The following CCSER1 variants were observed in gnomAD, a reference collection of about 807,000 sequenced individuals.
CCSER1 encodes serine-rich coiled-coil domain-containing protein 1.
In CCSER1, 41 loss-of-function variants were observed where a neutral mutation model predicts 82.0. That is an observed-to-expected ratio of 0.50 (90% CI 0.39 to 0.65). The LOEUF (loss-of-function observed/expected upper bound fraction) is 0.65, where lower values mean the gene tolerates loss of function less well. Ranked by LOEUF, CCSER1 falls within the 30% of genes least tolerant of loss-of-function variation. The pLI, the probability that CCSER1 is intolerant of heterozygous loss-of-function variation, is 0.00. For missense variants in CCSER1, 1,119 were observed against 1,064.2 expected, an observed-to-expected ratio of 1.05 and a Z score of -0.72; for synonymous variants, 414 against 383.9, an observed-to-expected ratio of 1.08 and a Z score of -0.92.
At chr4:91,570,482 C>G (rs1480685044) in intron 10 of CCSER1, among the ~76,000 whole-genome samples, 4 of 152,226 alleles carry the variant, frequency 2.6e-5, no homozygotes, top group African/African-American at 7.2e-5. Flanking sequence ...CTTTTGAAAT[C>G]TAGGTGGAGG....
At chr4:90,312,244 A>C (rs1367793382) in intron 2 of CCSER1, among the ~76,000 whole-genome samples, 1 of 152,162 alleles carries the variant, frequency 6.6e-6, no homozygotes, top group Non-Finnish European at 1.5e-5. Context: ...TGGCATGAGC[A>C]GAGTGATGGA....
chr4:91,401,214 A>C (rs1295752953), intron 10 of CCSER1, among the ~76,000 whole-genome samples: 1 of 150,544 alleles, frequency 6.6e-6, no homozygotes, highest in Non-Finnish European at 1.5e-5. Flanking sequence ...AAAATATCTA[A>C]TGCAGTTTAA....
intron 9 of CCSER1, among the ~76,000 whole-genome samples, chr4:90,976,269 G>C (rs1020699466): frequency 2.6e-5 from 4 of 151,194 alleles, no homozygotes; most frequent in Non-Finnish European, 5.9e-5. Flanking sequence ...GGGAATGATT[G>C]TATAATTTAC....
At chr4:90,946,121 TAA>T (rs781285623) in intron 9 of CCSER1, among the ~76,000 whole-genome samples, 18 of 152,148 alleles carry the variant, frequency 1.2e-4, no homozygotes, top group Admixed American at 2.0e-4. Flanking sequence ...TAATTACAAT[TAA>T]GAGTGACACT....
intron 6 of CCSER1, among the ~76,000 whole-genome samples, chr4:90,694,175 A>G (rs992557726): frequency 6.6e-6 from 1 of 152,016 alleles, no homozygotes; most frequent in Non-Finnish European, 1.5e-5. Flanking sequence ...AACAAATCCC[A>G]ATTTTGTTGT....
intron 10 of CCSER1, among the ~76,000 whole-genome samples, chr4:91,233,745 T>G (rs1185516448): frequency 2.0e-5 from 3 of 151,980 alleles, no homozygotes; most frequent in Non-Finnish European, 2.9e-5. Flanking sequence ...AGATGGTCTA[T>G]TTAGTATATA....
At chr4:91,470,405 A>G (rs1485577322) in intron 10 of CCSER1, among the ~76,000 whole-genome samples, 3 of 151,262 alleles carry the variant, frequency 2.0e-5, no homozygotes, top group South Asian at 2.1e-4. Context: ...TAATCTTTTC[A>G]TTTTATTAAT....
chr4:90,355,377 A>G (rs1744203304), intron 3 of CCSER1, among the ~76,000 whole-genome samples: 1 of 152,042 alleles, frequency 6.6e-6, no homozygotes, highest in Non-Finnish European at 1.5e-5. Flanking sequence ...CACAGCTGGC[A>G]TAGATTTTTA....
chr4:91,490,346 T>C (rs1254634538), intron 10 of CCSER1, among the ~76,000 whole-genome samples: 1 of 152,156 alleles, frequency 6.6e-6, no homozygotes, highest in Non-Finnish European at 1.5e-5. Flanking sequence ...AGCTGAAATG[T>C]TCATCAACAG....
intron 10 of CCSER1, among the ~76,000 whole-genome samples, chr4:91,236,077 C>T (rs1738984150): frequency 6.6e-6 from 1 of 152,150 alleles, no homozygotes; most frequent in Admixed American, 6.5e-5. Context: ...TGCAAGTACT[C>T]TTCAAGTAAT....
intron 4 of CCSER1, among the ~76,000 whole-genome samples, chr4:90,442,864 G>A (rs1052770705): frequency 1.1e-4 from 17 of 152,064 alleles, no homozygotes; most frequent in East Asian, 5.8e-4. Context: ...AGAGAGTGCC[G>A]GTCCTTGGTC....
At chr4:91,212,352 G>A (rs185176698) in intron 10 of CCSER1, among the ~76,000 whole-genome samples, 120 of 152,030 alleles carry the variant, frequency 7.9e-4, no homozygotes, top group Middle Eastern at 3.4e-3. Flanking sequence ...TTTGGAATGT[G>A]GAGATGCATC....
At chr4:90,630,039 G>T (rs1487698303) in intron 6 of CCSER1, among the ~76,000 whole-genome samples, 1 of 152,142 alleles carries the variant, frequency 6.6e-6, no homozygotes, top group Admixed American at 6.6e-5. Flanking sequence ...GAGTATTTAT[G>T]CCTCAGAAAT....
intron 1 of CCSER1, among the ~76,000 whole-genome samples, chr4:90,267,186 G>T (rs944538184): frequency 6.6e-6 from 1 of 151,896 alleles, no homozygotes; most frequent in Non-Finnish European, 1.5e-5. Flanking sequence ...TTACTTCAGT[G>T]AACATCAGTG....
intron 10 of CCSER1, among the ~76,000 whole-genome samples, chr4:91,121,633 C>A (rs534305689): frequency 1.3e-5 from 2 of 151,586 alleles, no homozygotes; most frequent in East Asian, 3.9e-4. Flanking sequence ...AACTTAGTAT[C>A]TAATCATAAA....
intron 10 of CCSER1, among the ~76,000 whole-genome samples, chr4:91,153,946 AC>A (rs1311107657): frequency 6.6e-6 from 1 of 151,808 alleles, no homozygotes; most frequent in Non-Finnish European, 1.5e-5. Flanking sequence ...CAGTTAGGCT[AC>A]TCATGGGTCA....
chr4:90,609,065 C>G (rs965557717), intron 5 of CCSER1, among the ~76,000 whole-genome samples: 12 of 151,936 alleles, frequency 7.9e-5, no homozygotes, highest in Non-Finnish European at 1.6e-4. Flanking sequence ...TCCTGGATTC[C>G]TGTAGTTATC....
intron 6 of CCSER1, among the ~76,000 whole-genome samples, chr4:90,651,864 A>G (rs1728812351): frequency 1.3e-5 from 2 of 152,174 alleles, no homozygotes; most frequent in African/African-American, 2.4e-5. Context: ...TAGCTGTGGC[A>G]CAAACACAAT....
chr4:91,137,084 A>G (rs57947269), intron 10 of CCSER1, among the ~76,000 whole-genome samples: 2,107 of 148,234 alleles, frequency 0.014, 27 homozygotes, highest in African/African-American at 0.038. Context: ...ATATGTATAC[A>G]TGGGCCATGC....
Sources: gnomAD v4.1 joint callset for allele counts (sites outside exome capture counted in the v4.1 genomes callset) on GRCh38, gnomAD v4.1.1 for gene constraint, MANE v1.5 for transcripts, NCBI Gene and HGNC (gene_info 2026-07-23, HGNC 2026-07-21) for gene names.